Variants in PPM1L observed in about 807,000 individuals in gnomAD.
PPM1L encodes the protein protein phosphatase 1L.
PPM1L carries 13 observed loss-of-function variants against 31.4 expected under a neutral mutation model. The ratio of observed to expected loss-of-function variants is 0.41; its 90% CI spans 0.27 to 0.66. The LOEUF is 0.66. Among genes scored for constraint, PPM1L ranks in the 30% least tolerant of loss-of-function variants. The pLI, the probability that PPM1L is intolerant of heterozygous loss-of-function variation, is 0.29. For synonymous variants in PPM1L, 184 were observed against 175.4 expected, an observed-to-expected ratio of 1.05 and a Z score of -0.39; for missense variants, 326 against 453.7, an observed-to-expected ratio of 0.72 and a Z score of 2.56.
At chr3:160,922,167 G>C (rs925811729) in intron 1 of PPM1L, among the ~76,000 whole-genome samples, 1 of 152,004 alleles carries the variant, frequency 6.6e-6, no homozygotes, top group Non-Finnish European at 1.5e-5. Context: ...AAAATTAGCC[G>C]GGCGTGGTGG....
At chr3:160,824,891 G>A (rs1405081420) in intron 1 of PPM1L, among the ~76,000 whole-genome samples, 2 of 151,808 alleles carry the variant, frequency 1.3e-5, no homozygotes, top group Non-Finnish European at 2.9e-5. Flanking sequence ...CCTGCCTTGG[G>A]CCTCATTTTA....
At chr3:160,836,508 T>A (rs1032404561) in intron 1 of PPM1L, among the ~76,000 whole-genome samples, 2 of 152,242 alleles carry the variant, frequency 1.3e-5, no homozygotes, top group African/African-American at 2.4e-5. Context: ...AGCAGCTCAA[T>A]TGAATTTTTC....
At chr3:160,966,593 T>C (rs1716154923) in intron 2 of PPM1L, among the ~76,000 whole-genome samples, 1 of 152,144 alleles carries the variant, frequency 6.6e-6, no homozygotes. Context: ...TTTGTTTTGC[T>C]CTTATGAATA....
intron 1 of PPM1L, among the ~76,000 whole-genome samples, chr3:160,912,301 C>T (rs1458760812): frequency 6.6e-6 from 1 of 152,164 alleles, no homozygotes; most frequent in African/African-American, 2.4e-5. Flanking sequence ...CCATGCCTCC[C>T]TACCTACTAT....
intron 2 of PPM1L, among the ~76,000 whole-genome samples, chr3:161,048,805 T>G (rs895843618): frequency 6.6e-6 from 1 of 151,498 alleles, no homozygotes; most frequent in Non-Finnish European, 1.5e-5. Flanking sequence ...CTGGAAACCA[T>G]CATTCTCAGC....
intron 1 of PPM1L, among the ~76,000 whole-genome samples, chr3:160,957,106 G>A (rs1868104): frequency 0.84 from 127,910 of 152,232 alleles, 54,042 homozygotes; most frequent in Middle Eastern, 0.92. Context: ...ATTTGAGCCA[G>A]ACTTTGAAAG....
intron 1 of PPM1L, among the ~76,000 whole-genome samples, chr3:160,861,082 T>C (rs1223086891): frequency 2.0e-5 from 3 of 152,040 alleles, no homozygotes; most frequent in Non-Finnish European, 4.4e-5. Context: ...ATATAAGAGG[T>C]TGAAAGGTTC....
intron 2 of PPM1L, among the ~76,000 whole-genome samples, chr3:161,052,456 AT>A (rs1576808587): frequency 6.6e-6 from 1 of 152,210 alleles, no homozygotes; most frequent in East Asian, 1.9e-4. Flanking sequence ...TGGTTGATAG[AT>A]TTGTAAAAAG....
chr3:160,789,522 CT>C (rs1324139937), intron 1 of PPM1L, among the ~76,000 whole-genome samples: 1 of 151,854 alleles, frequency 6.6e-6, no homozygotes, highest in Non-Finnish European at 1.5e-5. Context: ...CCCAAGCTTA[CT>C]GGTTCTGTTT....
At chr3:160,856,602 A>G (rs1289053208) in intron 1 of PPM1L, among the ~76,000 whole-genome samples, 1 of 152,172 alleles carries the variant, frequency 6.6e-6, no homozygotes, top group African/African-American at 2.4e-5. Flanking sequence ...TGGGAGCTAA[A>G]CACTGAGTAC....
At chr3:160,949,988 GC>G in intron 1 of PPM1L, among the ~76,000 whole-genome samples, 1 of 152,112 alleles carries the variant, frequency 6.6e-6, no homozygotes, top group Non-Finnish European at 1.5e-5. Flanking sequence ...CGTTAGGTTA[GC>G]CTCAAATAAG....
chr3:160,847,972 G>A lies in PPM1L; in HGVS notation c.399+91265G>A, dbSNP rs548101570. Among the ~76,000 whole-genome samples, 9 of 152,232 alleles carry A rather than the reference G, an allele frequency of 5.9e-5. No individual in the cohort carries two copies. In the South Asian group the frequency reaches 1.9e-3, roughly 32 times the overall value. ...GTCCTCTGTTGCTGGAATTACCACA[G>A]TGAATTATTATGGAATGGAGGGCAG... On this transcript the variant is annotated intron_variant, in intron 1 of 3. Transcript: ENST00000498165.
At chr3:160,763,011 T>G (rs142924892) in intron 1 of PPM1L, among the ~76,000 whole-genome samples, 58 of 152,350 alleles carry the variant, frequency 3.8e-4, no homozygotes, top group Admixed American at 2.3e-3. Flanking sequence ...AATGAAATTC[T>G]TGGCCTTTAA....
chr3:160,920,694 C>T (rs534880590), intron 1 of PPM1L, among the ~76,000 whole-genome samples: 44 of 151,182 alleles, frequency 2.9e-4, no homozygotes, highest in Admixed American at 2.2e-3. Context: ...GTATTTGTTT[C>T]GGACAATCCC....
At chr3:161,054,613 C>A (rs1053528269) in intron 2 of PPM1L, among the ~76,000 whole-genome samples, 2 of 152,032 alleles carry the variant, frequency 1.3e-5, no homozygotes, top group African/African-American at 2.4e-5. Flanking sequence ...AATGGCCTGC[C>A]CTGATGTTGA....
chr3:160,871,868 T>G (rs1328641401), intron 1 of PPM1L, among the ~76,000 whole-genome samples: 1 of 152,216 alleles, frequency 6.6e-6, no homozygotes, highest in African/African-American at 2.4e-5. Context: ...GTTCACATTG[T>G]AATTCAAGTA....
At chr3:160,785,441 A>G (rs1374427615) in intron 1 of PPM1L, among the ~76,000 whole-genome samples, 1 of 152,228 alleles carries the variant, frequency 6.6e-6, no homozygotes, top group Non-Finnish European at 1.5e-5. Flanking sequence ...TAAACATTTC[A>G]AACAGCATAA....
chr3:161,017,364 C>T (rs778599840), intron 2 of PPM1L, among the ~76,000 whole-genome samples: 1 of 152,012 alleles, frequency 6.6e-6, no homozygotes, highest in Non-Finnish European at 1.5e-5. Flanking sequence ...TTGTTTAGAC[C>T]AATTATGGAG....
At chr3:160,911,650 G>C (rs1006452037) in intron 1 of PPM1L, among the ~76,000 whole-genome samples, 2 of 152,180 alleles carry the variant, frequency 1.3e-5, no homozygotes, top group East Asian at 3.8e-4. Flanking sequence ...CAGGGGGAGA[G>C]AAAGAGAGTG....
Sources: allele counts gnomAD v4.1 joint callset (sites outside exome capture counted in the v4.1 genomes callset), GRCh38; gene constraint gnomAD v4.1.1; transcripts MANE v1.5; gene names NCBI Gene and HGNC (gene_info 2026-07-23, HGNC 2026-07-21).